CDH23: variants seen among roughly 807,000 people sequenced by gnomAD.
CDH23 encodes the protein cadherin-23.
CDH23 carries 189 observed loss-of-function variants against 317.1 expected under a neutral mutation model. The observed-to-expected ratio is 0.60, with a 90% CI of 0.53 to 0.67. The LOEUF (loss-of-function observed/expected upper bound fraction) is 0.67. Ranked by LOEUF, CDH23 falls within the 30% of genes least tolerant of loss-of-function variation. The pLI, the probability that CDH23 is intolerant of heterozygous loss-of-function variation, is 0.00. For missense variants in CDH23, 4,401 were observed against 4,592.4 expected, an observed-to-expected ratio of 0.96 and a Z score of 1.20; for synonymous variants, 1,839 against 1,876.8, an observed-to-expected ratio of 0.98 and a Z score of 0.52.
At chr10:71,805,779 G>A in intron 55 of CDH23, 27 bp from the exon 56 acceptor site, 1 of 1,596,572 alleles carries the variant, frequency 6.3e-7, no homozygotes, top group Non-Finnish European at 8.5e-7. Context: ...AGGGGTCCAG[G>A]AGCCTTCCTC....
intron 6 of CDH23, among the ~76,000 whole-genome samples, chr10:71,525,292 C>T (rs1854973032): frequency 6.6e-6 from 1 of 152,250 alleles, no homozygotes; most frequent in South Asian, 2.1e-4. Flanking sequence ...TGTTTTAAGC[C>T]ACTACGTATG....
At chr10:71,517,216 G>T (rs1260114132) in intron 6 of CDH23, among the ~76,000 whole-genome samples, 2 of 152,230 alleles carry the variant, frequency 1.3e-5, no homozygotes, top group South Asian at 2.1e-4. Context: ...ATGGTCCAGG[G>T]CTGGGTGAGG....
At chr10:71,716,146 C>G (rs1044582896) in intron 28 of CDH23, 5 of 1,550,446 alleles carry the variant, frequency 3.2e-6, no homozygotes, top group Non-Finnish European at 4.4e-6. Context: ...GGCTCGGGTC[C>G]AGCGCGGCCG....
chr10:71,684,809 G>C (rs1864807208), intron 18 of CDH23, among the ~76,000 whole-genome samples: 1 of 152,238 alleles, frequency 6.6e-6, no homozygotes, highest in African/African-American at 2.4e-5. Flanking sequence ...GAGGGTAAGA[G>C]TAAGGGAGGT....
intron 11 of CDH23, among the ~76,000 whole-genome samples, chr10:71,629,237 T>A (rs897438989): frequency 6.6e-6 from 1 of 151,936 alleles, no homozygotes; most frequent in African/African-American, 2.4e-5. Context: ...AACAAACAGA[T>A]GCAAATGATG....
chr10:71,719,051 C>T (rs1008267698), intron 28 of CDH23, among the ~76,000 whole-genome samples: 2 of 151,930 alleles, frequency 1.3e-5, no homozygotes, highest in African/African-American at 4.8e-5. Context: ...GCGCTACAGC[C>T]TGAGCGACAG....
intron 19 of CDH23, among the ~76,000 whole-genome samples, chr10:71,689,010 G>T (rs933303366): frequency 1.5e-5 from 1 of 65,816 alleles, no homozygotes; most frequent in Admixed American, 1.5e-4. Flanking sequence ...AGCCAGGGGT[G>T]GTGGAGTCAG....
chr10:71,766,028 G>A (rs1840534668), intron 38 of CDH23, among the ~76,000 whole-genome samples: 1 of 152,228 alleles, frequency 6.6e-6, no homozygotes, highest in African/African-American at 2.4e-5. Context: ...ATGGCATGGG[G>A]GAGAGGGGCA....
Position 71,695,409 on chromosome 10 carries a change from G to T in CDH23, c.2290-9G>T. The stretch of plus-strand genomic sequence containing the variant: ...GGTGTGTCTCCCAGCGCCCCTTATG[G>T]CTTCACAGGTAAACATCACCCTCCT... On this transcript the variant is annotated splice_polypyrimidine_tract_variant and intron_variant, in intron 21 of 69. Coordinates refer to ENST00000224721, the MANE Select transcript of CDH23 (RefSeq NM_022124.6). 6.3e-7 allele frequency: 1 copy of T among 1,597,680 alleles called. No individual in the cohort carries two copies. The highest frequency in any genetic ancestry group is 8.6e-7 in the Non-Finnish European group (1 of 1,164,834).
chr10:71,738,750 A>T (rs746580941), intron 35 of CDH23, 103 bp downstream of exon 35: 3 of 1,383,528 alleles, frequency 2.2e-6, no homozygotes, highest in Non-Finnish European at 2.9e-6. Context: ...ACCAAGCACC[A>T]GGTTCTTCCG....
chr10:71,792,781 C>T (rs368075639), intron 47 of CDH23, among the ~76,000 whole-genome samples: 8 of 135,342 alleles, frequency 5.9e-5, no homozygotes, highest in African/African-American at 1.9e-4. Context: ...GAGATCACAC[C>T]ACTGCACTCC....
In CDH23 at chr10:71,812,289, G is replaced by A. The variant is rs773981993; in HGVS notation, c.9381-191G>A. The A allele has an allele frequency of 1.9e-6, 3 of 1,598,828 alleles. No homozygotes were observed. The African/African-American group carries it at 4.0e-5, about 21-fold the overall frequency. On this transcript the variant is annotated intron_variant, in intron 66 of 69. Transcript: ENST00000224721. Reference sequence around the variant, plus strand: ...CTCTGCACCAAAGGCAATCCAGACTGACATGCGGTCCTGGTTCCAGCAGGA... The same window carrying A: ...CTCTGCACCAAAGGCAATCCAGACTAACATGCGGTCCTGGTTCCAGCAGGA...
chr10:71,815,072 G>A lies in CDH23; in HGVS notation c.9859G>A (p.Gly3287Ser), dbSNP rs374102885. The change falls in exon 70 of 70, where the codon GGC becomes AGC. Residue 3287 changes from glycine to serine, a missense_variant. Transcript: ENST00000224721. ...KGPDGIHVVH[G>S]STGTLLATDL... ...GCCCGATGGGATCCATGTGGTGCAC[G>A]GCAGCACGGGCACGCTGCTGGCCAC... 70 of 1,611,588 alleles carry A rather than the reference G, an allele frequency of 4.3e-5. 2 individuals are homozygous for A. Among genetic ancestry groups the A allele is most frequent in the South Asian group, 3.7e-4 (34 of 90,758 alleles).
chr10:71,746,795 G>T (rs1178502573), intron 38 of CDH23, among the ~76,000 whole-genome samples: 1 of 152,170 alleles, frequency 6.6e-6, no homozygotes, highest in Non-Finnish European at 1.5e-5. Flanking sequence ...TCTCAGGCTG[G>T]TGAGGACCTG....
At chr10:71,677,804 C>T in intron 16 of CDH23, 111 bp downstream of exon 16, 1 of 844,852 alleles carries the variant, frequency 1.2e-6, no homozygotes, top group East Asian at 2.7e-5. Context: ...CTCACTCTTT[C>T]ACCCAGGCTG....
chr10:71,791,309 T>C lies in CDH23; in HGVS notation c.6227T>C (p.Val2076Ala), dbSNP rs773607597. The change falls in exon 47 of 70, where the codon GTC (valine) becomes GCC (alanine). Residue 2076 changes from valine to alanine, a missense_variant. Around this residue, in one of 3 missense-constraint regions of CDH23, gnomAD observed 3,068 missense variants for 3,203.3 expected, o/e 0.96. Transcript: ENST00000224721. ...ACCTTTAGCCCTGCCACCCTCACTG[T>C]CCATCTGCTAGAGAACTGCCCGCCT... ...RPTFSPATLT[V>A]HLLENCPPGF... 7 of 1,613,666 alleles carry C rather than the reference T, an allele frequency of 4.3e-6. No individual in the cohort carries two copies. Among genetic ancestry groups the C allele is most frequent in the East Asian group, 2.2e-5 (1 of 44,886 alleles).
At chr10:71,695,267 C>T (rs999477480) in intron 21 of CDH23, 151 bp from the exon 22 acceptor site, 2 of 663,928 alleles carry the variant, frequency 3.0e-6, no homozygotes, top group African/African-American at 1.8e-5. Flanking sequence ...CCTCGAAAGC[C>T]CAGGCTCTGC....
At chr10:71,484,632 C>T (rs1852247034) in intron 3 of CDH23, among the ~76,000 whole-genome samples, 1 of 152,212 alleles carries the variant, frequency 6.6e-6, no homozygotes, top group African/African-American at 2.4e-5. Context: ...TTGGGGGTGC[C>T]TTTGGACCAC....
At chr10:71,400,568 G>A (rs939400376) in intron 1 of CDH23, among the ~76,000 whole-genome samples, 16 of 152,226 alleles carry the variant, frequency 1.1e-4, no homozygotes, top group African/African-American at 2.9e-4. Flanking sequence ...CGGAGGCCAA[G>A]GCAGGTGGAT....
Sources: gnomAD v4.1 joint callset for allele counts (sites outside exome capture counted in the v4.1 genomes callset) on GRCh38, gnomAD v4.1.1 for gene constraint, gnomAD v4.1.1 regional missense constraint, MANE v1.5 for transcripts, NCBI Gene and HGNC (gene_info 2026-07-23, HGNC 2026-07-21) for gene names.